PDE12: variants seen among roughly 807,000 people sequenced by gnomAD.
PDE12 encodes the protein phosphodiesterase 12, also known as 2',5'-phosphodiesterase 12.
PDE12 carries 26 observed loss-of-function variants against 45.4 expected under a neutral mutation model. The observed-to-expected ratio is 0.57, with a 90% CI of 0.42 to 0.79. The LOEUF (loss-of-function observed/expected upper bound fraction) is 0.79. PDE12 is among the 30% of genes least tolerant of loss of function. The probability of loss-of-function intolerance (pLI) is 0.00; values close to 1 mark genes in which losing one functional copy is unlikely to be tolerated. For synonymous variants in PDE12, 283 were observed against 323.9 expected (o/e 0.87, Z 1.36); for missense variants, 668 against 790.0 (o/e 0.85, Z 1.85).
the PDE12 span, chr3:57,654,848 A>G: frequency 2.2e-6 from 2 of 895,724 alleles, no homozygotes; most frequent in East Asian, 1.2e-4. Context: ...CACCTTCAAT[A>G]TAACTGGATA....
chr3:57,607,345 C>G, the PDE12 span, among the ~76,000 whole-genome samples: 2 of 152,116 alleles, frequency 1.3e-5, no homozygotes, highest in African/African-American at 4.8e-5. Flanking sequence ...TCTCCCCCTC[C>G]GAAGGAACGC....
the PDE12 span, among the ~76,000 whole-genome samples, chr3:57,599,857 T>C: frequency 1.3e-5 from 2 of 151,144 alleles, no homozygotes; most frequent in African/African-American, 4.9e-5. Flanking sequence ...ACACTCTTTT[T>C]TTTTTTTTTT....
At chr3:57,594,856 G>A in the PDE12 span, among the ~76,000 whole-genome samples, 1 of 152,302 alleles carries the variant, frequency 6.6e-6, no homozygotes, top group East Asian at 1.9e-4. Flanking sequence ...ACAGAAAAAT[G>A]TAAGAATTAT....
chr3:57,588,402 G>A, the PDE12 span, among the ~76,000 whole-genome samples: 1 of 152,146 alleles, frequency 6.6e-6, no homozygotes, highest in African/African-American at 2.4e-5. Flanking sequence ...CATCTTTAAA[G>A]AAGAAAAAGT....
chr3:57,603,152 G>A, the PDE12 span, among the ~76,000 whole-genome samples: 1 of 151,662 alleles, frequency 6.6e-6, no homozygotes, highest in Non-Finnish European at 1.5e-5. Flanking sequence ...GGGCAACACA[G>A]CGAGACTCCG....
the PDE12 span, among the ~76,000 whole-genome samples, chr3:57,634,208 G>C: frequency 3.3e-5 from 5 of 151,968 alleles, no homozygotes; most frequent in African/African-American, 1.2e-4. Context: ...CGAGGTGGGC[G>C]TATCACTTAA....
the PDE12 span, among the ~76,000 whole-genome samples, chr3:57,620,213 C>G: frequency 2.0e-5 from 3 of 152,120 alleles, no homozygotes; most frequent in East Asian, 5.8e-4. Context: ...CAGAGCAGGA[C>G]TCCATCTCAA....
At chr3:57,609,850 C>T in the PDE12 span, among the ~76,000 whole-genome samples, 4 of 152,110 alleles carry the variant, frequency 2.6e-5, no homozygotes, top group Admixed American at 6.5e-5. Context: ...TTCCAATCAA[C>T]AGAAAAAGAG....
chr3:57,591,403 A>G, the PDE12 span, among the ~76,000 whole-genome samples: 1 of 148,952 alleles, frequency 6.7e-6, no homozygotes, highest in Admixed American at 6.7e-5. Flanking sequence ...AATGAAAAGG[A>G]AAAAAAAAAG....
At chr3:57,619,334 C>G in the PDE12 span, 3 of 153,102 alleles carry the variant, frequency 2.0e-5, no homozygotes, top group African/African-American at 7.2e-5. Flanking sequence ...GGTGACAGAG[C>G]AAGACTCCAT....
At chr3:57,637,501 T>A in the PDE12 span, among the ~76,000 whole-genome samples, 1 of 152,100 alleles carries the variant, frequency 6.6e-6, no homozygotes, top group Non-Finnish European at 1.5e-5. Flanking sequence ...AAAGAAGATG[T>A]TTTTTTCTCT....
At chr3:57,607,034 C>T in the PDE12 span, among the ~76,000 whole-genome samples, 9 of 152,288 alleles carry the variant, frequency 5.9e-5, no homozygotes, top group African/African-American at 1.7e-4. Flanking sequence ...GCCGGGTACC[C>T]CTCTGAGACG....
the PDE12 span, among the ~76,000 whole-genome samples, chr3:57,648,772 C>T: frequency 1.3e-5 from 2 of 152,134 alleles, no homozygotes; most frequent in Non-Finnish European, 2.9e-5. Context: ...GGGGAAAAGA[C>T]ACCCTATTTA....
the PDE12 span, among the ~76,000 whole-genome samples, chr3:57,623,638 C>T: frequency 6.6e-6 from 1 of 152,306 alleles, no homozygotes; most frequent in Admixed American, 6.5e-5. Flanking sequence ...GAGATGGCGC[C>T]ATTGCACTTC....
At chr3:57,637,535 T>A in the PDE12 span, among the ~76,000 whole-genome samples, 1 of 152,132 alleles carries the variant, frequency 6.6e-6, no homozygotes, top group African/African-American at 2.4e-5. Flanking sequence ...CTGCCAGATT[T>A]TTTTTTTCCT....
At chr3:57,630,357 C>T in the PDE12 span, 16 of 1,410,106 alleles carry the variant, frequency 1.1e-5, no homozygotes, top group East Asian at 3.6e-4. Context: ...TCTTCAACTT[C>T]TAAGCATAAT....
the PDE12 span, among the ~76,000 whole-genome samples, chr3:57,610,110 A>G: frequency 6.6e-6 from 1 of 152,194 alleles, no homozygotes; most frequent in Non-Finnish European, 1.5e-5. Flanking sequence ...AATCCAGCAT[A>G]TAAACAGAAC....
At chr3:57,597,881 T>G in the PDE12 span, 1 of 152,208 alleles carries the variant, frequency 6.6e-6, no homozygotes, top group Non-Finnish European at 1.5e-5. Flanking sequence ...TCCGGTCTTT[T>G]GCGGAGAAAA....
At chr3:57,590,248 A>T in the PDE12 span, among the ~76,000 whole-genome samples, 1 of 152,000 alleles carries the variant, frequency 6.6e-6, no homozygotes, top group Non-Finnish European at 1.5e-5. Context: ...GCACTTTGGG[A>T]GGCTGAGGTG....
Sources: allele counts gnomAD v4.1 joint callset (sites outside exome capture counted in the v4.1 genomes callset), GRCh38; gene constraint gnomAD v4.1.1; transcripts MANE v1.5; gene names NCBI Gene and HGNC (gene_info 2026-07-23, HGNC 2026-07-21).